Variants in THSD7B observed in about 807,000 individuals in gnomAD.
THSD7B encodes thrombospondin type 1 domain containing 7B.
THSD7B carries 138 observed loss-of-function variants against 213.6 expected under a neutral mutation model. The observed-to-expected ratio is 0.65, with a 90% confidence interval of 0.56 to 0.74. THSD7B has a LOEUF of 0.74. THSD7B is among the 30% of genes least tolerant of loss of function. The pLI is 0.00. For missense variants in THSD7B, 1,931 were observed against 1,991.5 expected (o/e 0.97, Z 0.58); for synonymous variants, 742 against 687.0 (o/e 1.08, Z -1.25).
intron 12 of THSD7B, among the ~76,000 whole-genome samples, chr2:137,279,953 G>A (rs1225505088): frequency 6.6e-6 from 1 of 152,166 alleles, no homozygotes; most frequent in East Asian, 1.9e-4. Context: ...TTTGAACTCA[G>A]ACCATAAAGT....
At chr2:137,275,613 C>T (rs1419777029) in intron 11 of THSD7B, among the ~76,000 whole-genome samples, 2 of 151,392 alleles carry the variant, frequency 1.3e-5, no homozygotes, top group East Asian at 3.9e-4. Flanking sequence ...ATCAGTGCCT[C>T]TAATGTTTAT....
intron 7 of THSD7B, among the ~76,000 whole-genome samples, chr2:137,172,027 G>A (rs191369226): frequency 1.7e-3 from 264 of 152,148 alleles, no homozygotes; most frequent in African/African-American, 6.1e-3. Context: ...TTTGAATTGT[G>A]GTAACATATG....
chr2:137,134,148 T>C (rs984291801), intron 5 of THSD7B, among the ~76,000 whole-genome samples: 3 of 152,230 alleles, frequency 2.0e-5, no homozygotes, highest in African/African-American at 7.2e-5. Flanking sequence ...ATTTCCATTA[T>C]ACACAGGAAG....
At chr2:137,658,972 C>A (rs1488959157) in intron 24 of THSD7B, among the ~76,000 whole-genome samples, 6 of 152,166 alleles carry the variant, frequency 3.9e-5, no homozygotes, top group Admixed American at 3.9e-4. Flanking sequence ...TTGAATTTAG[C>A]AAAGTAAGAC....
At chr2:137,397,051 T>C (rs1439586549) in intron 12 of THSD7B, among the ~76,000 whole-genome samples, 3 of 145,642 alleles carry the variant, frequency 2.1e-5, no homozygotes, top group African/African-American at 7.6e-5. Flanking sequence ...TTTGAGCCTA[T>C]GTGTGTCTCT....
chr2:137,026,315 T>A (rs1686554890), intron 2 of THSD7B, among the ~76,000 whole-genome samples: 1 of 152,148 alleles, frequency 6.6e-6, no homozygotes, highest in African/African-American at 2.4e-5. Context: ...TCTACATCGT[T>A]CCCTATAGTT....
chr2:137,588,448 T>C (rs1681790566), intron 17 of THSD7B, among the ~76,000 whole-genome samples: 1 of 151,578 alleles, frequency 6.6e-6, no homozygotes, highest in Non-Finnish European at 1.5e-5. Context: ...TTTGATGTTT[T>C]AAAATACCTC....
chr2:136,821,573 T>G lies in THSD7B; in HGVS notation c.-36+55886T>G, dbSNP rs543485129. ...TGGAGAAAAAGTCCTTTTTTGTTATTGACAAGCACAGCAGCTGGACTTGGT... is the reference window on the plus strand; with the variant it reads ...TGGAGAAAAAGTCCTTTTTTGTTATGGACAAGCACAGCAGCTGGACTTGGT... On this transcript the variant is annotated intron_variant, in intron 1 of 27. Transcript: ENST00000409968. Among the ~76,000 whole-genome samples the G allele has an allele frequency of 7.9e-5, 12 of 152,264 alleles. No individual in the cohort carries two copies. The East Asian group carries it at 1.9e-3, about 24-fold the overall frequency.
intron 3 of THSD7B, among the ~76,000 whole-genome samples, chr2:137,058,178 T>A (rs1241203487): frequency 6.6e-6 from 1 of 152,282 alleles, no homozygotes; most frequent in African/African-American, 2.4e-5. Flanking sequence ...TTGTTTTTTT[T>A]TCCATTTGAC....
chr2:137,481,785 G>C (rs1688312443), intron 15 of THSD7B, among the ~76,000 whole-genome samples: 1 of 152,186 alleles, frequency 6.6e-6, no homozygotes, highest in Non-Finnish European at 1.5e-5. Context: ...TATAATAGCA[G>C]ACCCTAGTAG....
At chr2:137,391,127 C>G (rs1026149882) in intron 12 of THSD7B, among the ~76,000 whole-genome samples, 1 of 152,066 alleles carries the variant, frequency 6.6e-6, no homozygotes, top group Non-Finnish European at 1.5e-5. Context: ...ATTACTGCTT[C>G]AAACTCACTA....
intron 7 of THSD7B, among the ~76,000 whole-genome samples, chr2:137,196,512 G>A (rs548293908): frequency 1.3e-5 from 2 of 149,444 alleles, no homozygotes; most frequent in South Asian, 4.3e-4. Context: ...GCATGTCATA[G>A]TTTGATCCCT....
intron 14 of THSD7B, among the ~76,000 whole-genome samples, chr2:137,413,746 T>G (rs866478751): frequency 1.3e-5 from 2 of 152,190 alleles, no homozygotes; most frequent in Non-Finnish European, 2.9e-5. Context: ...ATGAATATAA[T>G]TTAACGGCAG....
chr2:137,002,054 C>T (rs1686009679), intron 2 of THSD7B, among the ~76,000 whole-genome samples: 2 of 152,230 alleles, frequency 1.3e-5, no homozygotes, highest in Admixed American at 1.3e-4. Context: ...AGTCCATATT[C>T]CAGCAAGAAG....
intron 17 of THSD7B, among the ~76,000 whole-genome samples, chr2:137,601,224 T>C (rs1338101397): frequency 1.3e-5 from 2 of 152,182 alleles, no homozygotes; most frequent in Non-Finnish European, 2.9e-5. Context: ...ACAATGTTTA[T>C]AAAGTCTACC....
At chr2:137,656,775 C>A in intron 22 of THSD7B, 21 bp from the exon 23 acceptor site, 1 of 1,609,274 alleles carries the variant, frequency 6.2e-7, no homozygotes, top group South Asian at 1.1e-5. Flanking sequence ...TTTCTCCACC[C>A]TGTACTGCAT....
chr2:137,304,225 A>G (rs764804336), intron 12 of THSD7B, among the ~76,000 whole-genome samples: 2 of 152,100 alleles, frequency 1.3e-5, no homozygotes, highest in Non-Finnish European at 2.9e-5. Context: ...ACTTGGACAA[A>G]TGTCCCCTAA....
chr2:137,416,093 C>T (rs952608548), intron 14 of THSD7B, among the ~76,000 whole-genome samples: 3 of 152,128 alleles, frequency 2.0e-5, no homozygotes, highest in African/African-American at 4.8e-5. Context: ...ACTGAATCAT[C>T]GGGTTGTGGT....
intron 12 of THSD7B, among the ~76,000 whole-genome samples, chr2:137,394,174 C>G (rs1462315009): frequency 9.1e-6 from 1 of 109,376 alleles, no homozygotes; most frequent in South Asian, 3.8e-4. Flanking sequence ...AATTAGATCC[C>G]ATTTGTCAAT....
Sources: gnomAD v4.1 joint callset for allele counts (sites outside exome capture counted in the v4.1 genomes callset) on GRCh38, gnomAD v4.1.1 for gene constraint, MANE v1.5 for transcripts, NCBI Gene and HGNC (gene_info 2026-07-23, HGNC 2026-07-21) for gene names.